Variants in COL5A2 observed in about 807,000 individuals in gnomAD.
COL5A2 encodes collagen alpha-2(V) chain.
COL5A2 carries 23 observed loss-of-function variants against 208.2 expected under a neutral mutation model. The ratio of observed to expected loss-of-function variants is 0.11; its 90% CI spans 0.08 to 0.16. The LOEUF (loss-of-function observed/expected upper bound fraction) is 0.16. Among genes scored for constraint, COL5A2 ranks in the 10% least tolerant of loss-of-function variants. The probability of loss-of-function intolerance (pLI) is 1.00; values close to 1 mark genes in which losing one functional copy is unlikely to be tolerated. For synonymous variants in COL5A2, 625 were observed against 628.5 expected (o/e 0.99, Z 0.08); for missense variants, 1,590 against 1,956.4 (o/e 0.81, Z 3.53).
the COL5A2 span, among the ~76,000 whole-genome samples, chr2:189,418,102 A>G: frequency 6.6e-6 from 1 of 152,170 alleles, no homozygotes; most frequent in African/African-American, 2.4e-5. Flanking sequence ...GAAGTATATG[A>G]CTGATTTATG....
intron 1 of COL5A2, among the ~76,000 whole-genome samples, chr2:189,204,289 A>T (rs1486544484): frequency 6.6e-6 from 1 of 152,236 alleles, no homozygotes. Context: ...TTAACATTTC[A>T]AAAATGAAAA....
chr2:189,150,751 T>C (rs1025348700), intron 1 of COL5A2, among the ~76,000 whole-genome samples: 24 of 152,278 alleles, frequency 1.6e-4, no homozygotes, highest in African/African-American at 5.8e-4. Context: ...TATCTTTGGT[T>C]CCTCAAACAC....
Position 189,078,487 on chromosome 2 carries a change from G to C in COL5A2, c.1059+29C>G, listed in dbSNP as rs777425162. 6 of 1,552,156 alleles carry C rather than the reference G, an allele frequency of 3.9e-6. No individual in the cohort carries two copies. In the Admixed American group the frequency reaches 1.0e-4, roughly 26 times the overall value. ...AAAATGAATTGAAATACACATCTCAGCAGTATAAGTAAAAGCAGATATACT... is the reference window on the plus strand; with the variant it reads ...AAAATGAATTGAAATACACATCTCACCAGTATAAGTAAAAGCAGATATACT... On this transcript the variant is annotated intron_variant, in intron 16 of 53. Coordinates refer to ENST00000374866, the MANE Select transcript of COL5A2 (RefSeq NM_000393.5).
intron 31 of COL5A2, 101 bp from the exon 32 acceptor site, chr2:189,058,994 A>C: frequency 1.1e-6 from 1 of 878,928 alleles, no homozygotes; most frequent in Non-Finnish European, 1.9e-6. Context: ...TTAATGTGCC[A>C]TTAGAAGGCT....
chr2:189,358,137 G>T, the COL5A2 span, among the ~76,000 whole-genome samples: 1 of 151,976 alleles, frequency 6.6e-6, no homozygotes, highest in Non-Finnish European at 1.5e-5. Flanking sequence ...TGTCGATCTC[G>T]CTGGGAGCTG....
At chr2:189,253,030 T>C in the COL5A2 span, among the ~76,000 whole-genome samples, 2 of 152,120 alleles carry the variant, frequency 1.3e-5, no homozygotes, top group African/African-American at 4.8e-5. Flanking sequence ...ATCAGATCTG[T>C]GTTATTGAAA....
chr2:189,097,573 G>A (rs1187638753), intron 5 of COL5A2: 1 of 662,494 alleles, frequency 1.5e-6, no homozygotes. Flanking sequence ...GCATCATGGA[G>A]CATAGTGAGC....
the COL5A2 span, among the ~76,000 whole-genome samples, chr2:189,235,897 G>C: frequency 6.6e-6 from 1 of 151,356 alleles, no homozygotes; most frequent in Non-Finnish European, 1.5e-5. Flanking sequence ...GTGCCCAAAT[G>C]GTTTGTAGAA....
At chr2:189,072,184 G>C (rs547760454) in intron 17 of COL5A2, 91 bp from the exon 18 acceptor site, 2 of 832,472 alleles carry the variant, frequency 2.4e-6, no homozygotes, top group Non-Finnish European at 4.0e-6. Context: ...TTTTGTATTA[G>C]ACACATAAGA....
chr2:189,072,508 A>T (rs1171684041), intron 17 of COL5A2, among the ~76,000 whole-genome samples: 1 of 152,218 alleles, frequency 6.6e-6, no homozygotes, highest in Non-Finnish European at 1.5e-5. Context: ...ACGGTGGCTC[A>T]TGCCTGTAAT....
intron 44 of COL5A2, 152 bp from the exon 45 acceptor site, chr2:189,048,414 CCT>C: frequency 3.1e-6 from 2 of 653,618 alleles, no homozygotes; most frequent in East Asian, 2.8e-5. Flanking sequence ...ACGGTTTCTA[CCT>C]CTTTTTCATT....
chr2:189,330,879 T>G, the COL5A2 span, among the ~76,000 whole-genome samples: 2 of 152,174 alleles, frequency 1.3e-5, no homozygotes, highest in Admixed American at 6.5e-5. Context: ...TGACACAATT[T>G]CTGTTATACA....
chr2:189,335,566 T>C, the COL5A2 span, among the ~76,000 whole-genome samples: 1 of 152,112 alleles, frequency 6.6e-6, no homozygotes, highest in Non-Finnish European at 1.5e-5. Flanking sequence ...CAAATGCCTA[T>C]CAATTGATGA....
In COL5A2 at chr2:189,191,149, A is replaced by AAAAC. The variant is rs1688918927; in HGVS notation, c.-42+33998_-42+33999insGTTT. 7.6e-5 allele frequency among the ~76,000 whole-genome samples: 5 copies of AAAAC among 65,954 alleles called. No homozygotes were observed. The South Asian group carries it at 2.3e-3, about 31-fold the overall frequency. The allele number at this position is 65,954 out of a possible 152,430, so 43.3% of individuals were successfully genotyped here. On this transcript the variant is annotated intron_variant, in intron 1 of 10. Coordinates refer to the COL5A2 transcript ENST00000649966. The stretch of plus-strand genomic sequence containing the variant: ...GAGATTAGGGAAACCATAAAAAAAA[A>AAAAC]AACAAAAAACAAACAAACAACAAAA...
chr2:189,414,462 G>A, the COL5A2 span, among the ~76,000 whole-genome samples: 2 of 151,924 alleles, frequency 1.3e-5, no homozygotes, highest in Non-Finnish European at 2.9e-5. Context: ...CCCTAAGAAT[G>A]TTTCCCTTCT....
chr2:189,039,542 G>A lies in COL5A2; in HGVS notation c.3655C>T (p.Pro1219Ser). ...GPEGPPGEPG[P>S]PGPPGPPGHL... ...CCAGGGGGACCCGGAGGGCCAGGTGGGCCAGGCTCACCAGGAGGGCCCTAA... is the reference window on the plus strand; with the variant it reads ...CCAGGGGGACCCGGAGGGCCAGGTGAGCCAGGCTCACCAGGAGGGCCCTAA... Residue 1219 changes from proline to serine, a missense_variant, in exon 51 of 54, where the codon CCA (proline) becomes TCA (serine). By Grantham distance (74) the Pro-to-Ser change is moderately conservative (BLOSUM62 -1). Coordinates refer to ENST00000374866, the MANE Select transcript of COL5A2 (RefSeq NM_000393.5). 6.2e-7 allele frequency: 1 copy of A among 1,613,782 alleles called. No individual in the cohort carries two copies.
At position 189,033,679 on chromosome 2, in the gene COL5A2, T is replaced by C. The variant is rs143552248; in HGVS notation, c.*391A>G. 2.7e-3 allele frequency: 734 copies of C among 267,752 alleles called. 3 individuals carry two copies. The highest frequency in any genetic ancestry group is 0.016 in the African/African-American group (709 of 45,088). The allele number at this position is 267,752 out of a possible 1,614,324, so 16.6% of individuals were successfully genotyped here. Reference sequence around the variant, plus strand: ...AAAATAAACATGTGTTGTGGCTCTATATACCCCACTCTTTAAGCTACCTGC... The same window carrying C: ...AAAATAAACATGTGTTGTGGCTCTACATACCCCACTCTTTAAGCTACCTGC... On this transcript the variant is annotated 3_prime_UTR_variant, in exon 54 of 54. Transcript: ENST00000374866.
the COL5A2 span, among the ~76,000 whole-genome samples, chr2:189,298,337 A>G: frequency 6.6e-6 from 1 of 152,136 alleles, no homozygotes; most frequent in Admixed American, 6.5e-5. Flanking sequence ...AGTTAATAGA[A>G]AAGCCTTGAA....
At chr2:189,265,184 G>A in the COL5A2 span, among the ~76,000 whole-genome samples, 1 of 152,136 alleles carries the variant, frequency 6.6e-6, no homozygotes, top group Non-Finnish European at 1.5e-5. Context: ...TGTGACCTTA[G>A]ATTGGGCAAT....
Sources: gnomAD v4.1 joint callset for allele counts (sites outside exome capture counted in the v4.1 genomes callset) on GRCh38, gnomAD v4.1.1 for gene constraint, MANE v1.5 for transcripts, NCBI Gene and HGNC (gene_info 2026-07-23, HGNC 2026-07-21) for gene names.